Variants in GALNTL6 observed in about 807,000 individuals in gnomAD.
The protein encoded by GALNTL6 is polypeptide N-acetylgalactosaminyltransferase like 6.
Under a neutral mutation model 73.7 loss-of-function variants are expected in GALNTL6, and 46 were observed. The ratio of observed to expected loss-of-function variants is 0.62; its 90% CI spans 0.49 to 0.80. The LOEUF (loss-of-function observed/expected upper bound fraction) is 0.80. Among genes scored for constraint, GALNTL6 ranks in the 30% least tolerant of loss-of-function variants. GALNTL6 has a pLI of 0.00. For missense variants in GALNTL6, 604 were observed against 755.0 expected, an observed-to-expected ratio of 0.80 and a Z score of 2.34; for synonymous variants, 259 against 263.7, an observed-to-expected ratio of 0.98 and a Z score of 0.17.
intron 2 of GALNTL6, chr4:172,052,368 C>T (rs1394002332): frequency 1.7e-5 from 18 of 1,071,322 alleles, no homozygotes; most frequent in Non-Finnish European, 2.3e-5. Context: ...CCTTGAAGAC[C>T]TATGCACACC....
At position 172,365,470 on chromosome 4, in the gene GALNTL6, T is replaced by G. The variant is rs1323387384; in HGVS notation, c.553+16781T>G. On this transcript the variant is annotated intron_variant, in intron 5 of 12. Transcript: ENST00000506823. ...GGGAACTTTAAAATGGTGGTTCTTG[T>G]CCAAGATGGCGATGCTCCTGCTCTG... Among the ~76,000 whole-genome samples, 6 of 152,198 alleles carry G rather than the reference T, an allele frequency of 3.9e-5. No individual in the cohort carries two copies. In the East Asian group the frequency reaches 9.6e-4, roughly 24 times the overall value.
rs530188395 is a variant in GALNTL6 at position 172,081,320 on chromosome 4, A to G, written c.139-148336A>G. ...ATAAGTGTGACATTAGTAAAGAACT[A>G]CAAACCTATTAAGGCTGAGTCTGCA... On this transcript the variant is annotated intron_variant, in intron 2 of 12. Coordinates refer to ENST00000506823, the MANE Select transcript of GALNTL6 (RefSeq NM_001034845.3). Among the ~76,000 whole-genome samples, 3 of 152,314 alleles carry G rather than the reference A, an allele frequency of 2.0e-5. No homozygotes were observed. In the East Asian group the frequency reaches 5.8e-4, roughly 29 times the overall value.
rs56070364 is a variant in GALNTL6, at chr4:172,616,532, C to CTTT, written c.554-192814_554-192812dup. 6.6e-3 allele frequency among the ~76,000 whole-genome samples: 776 copies of CTTT among 117,342 alleles called. 12 individuals are homozygous for CTTT. Among genetic ancestry groups the CTTT allele is most frequent in the African/African-American group, 0.024 (747 of 30,772 alleles). 77.0% of individuals were successfully genotyped at this position (117,342 alleles called of 152,430 possible). A position where few individuals can be genotyped will look rare whatever the true frequency, so the allele number is the denominator to read the frequency against. On this transcript the variant is annotated intron_variant, in intron 5 of 12. Transcript: ENST00000506823. ...GCAAAGTTGGCAGAAAATCCATACT[C>CTTT]TTTTTTTTTTTTTTTTTGCAAAGTT...
At chr4:172,793,246 T>C (rs896129935) in intron 5 of GALNTL6, among the ~76,000 whole-genome samples, 2 of 152,206 alleles carry the variant, frequency 1.3e-5, no homozygotes, top group African/African-American at 4.8e-5. Context: ...TTTATTCTCA[T>C]CTTAATCATG....
intron 5 of GALNTL6, among the ~76,000 whole-genome samples, chr4:172,353,473 A>G (rs1742035880): frequency 1.3e-5 from 2 of 152,140 alleles, no homozygotes. Context: ...ATTTTATGTA[A>G]CGTTAATTGT....
chr4:172,276,067 C>T (rs532352851), intron 3 of GALNTL6, among the ~76,000 whole-genome samples: 1 of 152,316 alleles, frequency 6.6e-6, no homozygotes, highest in South Asian at 2.1e-4. Flanking sequence ...TCTTCTTTCA[C>T]ATCACACTAT....
intron 4 of GALNTL6, among the ~76,000 whole-genome samples, chr4:172,341,501 G>T (rs1316628160): frequency 6.6e-6 from 1 of 151,314 alleles, no homozygotes; most frequent in Non-Finnish European, 1.5e-5. Context: ...TTGGTAATAT[G>T]GTTTGGCTCT....
At chr4:172,589,573 C>CTT (rs1737555125) in intron 5 of GALNTL6, among the ~76,000 whole-genome samples, 1 of 152,182 alleles carries the variant, frequency 6.6e-6, no homozygotes, top group Non-Finnish European at 1.5e-5. Flanking sequence ...ATAGTCCGTG[C>CTT]TTTTACCTCC....
intron 2 of GALNTL6, among the ~76,000 whole-genome samples, chr4:172,074,963 G>T (rs1215789277): frequency 6.6e-6 from 1 of 152,074 alleles, no homozygotes; most frequent in Non-Finnish European, 1.5e-5. Context: ...TTTTTAGTAT[G>T]TTTGAAACAT....
intron 8 of GALNTL6, among the ~76,000 whole-genome samples, chr4:172,907,875 A>G (rs1472190713): frequency 6.6e-6 from 1 of 152,164 alleles, no homozygotes; most frequent in Non-Finnish European, 1.5e-5. Context: ...TTTCCTTATT[A>G]AGTCAAGAAC....
At chr4:172,293,337 C>T (rs967227721) in intron 3 of GALNTL6, among the ~76,000 whole-genome samples, 2 of 152,046 alleles carry the variant, frequency 1.3e-5, no homozygotes, top group African/African-American at 4.8e-5. Context: ...TAATAAATGG[C>T]ATATGTTCTT....
At position 173,017,984 on chromosome 4, in the gene GALNTL6, C is replaced by T. The variant is rs1029770930; in HGVS notation, c.1489-3492C>T. 1.4e-4 allele frequency among the ~76,000 whole-genome samples: 21 copies of T among 152,278 alleles called. No individual in the cohort carries two copies. In the South Asian group the frequency reaches 3.7e-3, roughly 27 times the overall value. ...AAGCAAGACACTCATTTTCTGCAGG[C>T]CTGATTTTCCCTAACTGACTCATGA... On this transcript the variant is annotated intron_variant, in intron 11 of 12. Transcript: ENST00000506823.
intron 5 of GALNTL6, among the ~76,000 whole-genome samples, chr4:172,791,973 T>G (rs955530065): frequency 2.6e-5 from 4 of 152,296 alleles, no homozygotes; most frequent in South Asian, 4.1e-4. Context: ...TCCTAAGCCC[T>G]CCATGCGATT....
intron 2 of GALNTL6, among the ~76,000 whole-genome samples, chr4:171,903,468 T>C (rs1737169745): frequency 6.6e-6 from 1 of 152,032 alleles, no homozygotes; most frequent in African/African-American, 2.4e-5. Flanking sequence ...GGAGATTAAA[T>C]CCCTCACGTG....
intron 2 of GALNTL6, among the ~76,000 whole-genome samples, chr4:172,148,035 C>T (rs1261032883): frequency 6.6e-6 from 1 of 151,992 alleles, no homozygotes; most frequent in African/African-American, 2.4e-5. Context: ...GTATGATCAA[C>T]TAAAGGAATA....
In GALNTL6 at chr4:172,156,555, A is replaced by ATATATAGTATATATATATATATATAG. The variant is rs1553997735; in HGVS notation, c.139-73095_139-73094insGTATATATATATATATATAGTATATA. On this transcript the variant is annotated intron_variant, in intron 2 of 12. Coordinates refer to ENST00000506823, the MANE Select transcript of GALNTL6 (RefSeq NM_001034845.3). ...ATATATATATAATATATATATATATATATATATATATACATACTATATATA... is the reference window on the plus strand; with the variant it reads ...ATATATATATAATATATATATATATATATATAGTATATATATATATATATAGTATATATATATACATACTATATATA... Among the ~76,000 whole-genome samples the ATATATAGTATATATATATATATATAG allele has an allele frequency of 2.3e-4, 32 of 136,444 alleles. 2 individuals carry two copies. The highest frequency in any genetic ancestry group is 9.3e-4 in the African/African-American group (32 of 34,342). 89.5% of individuals were successfully genotyped at this position (136,444 alleles called of 152,430 possible).
intron 9 of GALNTL6, among the ~76,000 whole-genome samples, chr4:172,938,193 T>C (rs34307910): frequency 0.04 from 6,159 of 152,270 alleles, 189 homozygotes; most frequent in Non-Finnish European, 0.066. Flanking sequence ...CCTTTCTTCC[T>C]TCCTGTGCCA....
At chr4:172,600,271 A>G (rs1738008293) in intron 5 of GALNTL6, among the ~76,000 whole-genome samples, 1 of 152,108 alleles carries the variant, frequency 6.6e-6, no homozygotes, top group Non-Finnish European at 1.5e-5. Context: ...AAAAATCTTT[A>G]ACAAAAGATT....
intron 2 of GALNTL6, among the ~76,000 whole-genome samples, chr4:172,126,727 C>A (rs565927018): frequency 6.6e-6 from 1 of 152,300 alleles, no homozygotes; most frequent in South Asian, 2.1e-4. Flanking sequence ...GGAGCTCACA[C>A]TGGGTTTCAC....
Sources: gnomAD v4.1 joint callset for allele counts (sites outside exome capture counted in the v4.1 genomes callset) on GRCh38, gnomAD v4.1.1 for gene constraint, MANE v1.5 for transcripts, NCBI Gene and HGNC (gene_info 2026-07-23, HGNC 2026-07-21) for gene names.